The following EYS variants were observed in gnomAD, a reference collection of about 807,000 sequenced individuals.
EYS encodes the protein EGF-like photoreceptor maintenance factor, also known as protein eyes shut homolog.
EYS carries 250 observed loss-of-function variants against 282.1 expected under a neutral mutation model. The observed-to-expected ratio is 0.89, with a 90% CI of 0.80 to 0.98. The LOEUF (loss-of-function observed/expected upper bound fraction) is 0.98. EYS is among the 50% of genes least tolerant of loss of function. The probability of loss-of-function intolerance (pLI) is 0.00; values close to 1 mark genes in which losing one functional copy is unlikely to be tolerated. For synonymous variants in EYS, 1,355 were observed against 1,282.9 expected, an observed-to-expected ratio of 1.06 and a Z score of -1.20; for missense variants, 4,016 against 3,709.0, an observed-to-expected ratio of 1.08 and a Z score of -2.15.
At position 64,890,048 on chromosome 6, in the gene EYS, C is replaced by T. The variant is rs977620215; in HGVS notation, c.2847-3206G>A. On this transcript the variant is annotated intron_variant, in intron 18 of 42. Coordinates refer to ENST00000503581, the MANE Select transcript of EYS (RefSeq NM_001142800.2). Reference sequence around the variant, plus strand: ...CTGGAGGTATAGGCCTATAAATGCCCCCCCCCCCCAAGGTGTGCCCATCTC... The same window carrying T: ...CTGGAGGTATAGGCCTATAAATGCCTCCCCCCCCCAAGGTGTGCCCATCTC... Among the ~76,000 whole-genome samples the T allele has an allele frequency of 6.1e-4, 22 of 36,166 alleles. 1 individual carries two copies. Among genetic ancestry groups the T allele is most frequent in the Middle Eastern group, 0.017 (1 of 60 alleles). 23.7% of individuals were successfully genotyped at this position (36,166 alleles called of 152,430 possible).
chr6:64,381,926 G>T (rs559977374), intron 29 of EYS, among the ~76,000 whole-genome samples: 1 of 152,250 alleles, frequency 6.6e-6, no homozygotes, highest in Non-Finnish European at 1.5e-5. Flanking sequence ...TCATCATCAT[G>T]GGCTTTAATA....
At chr6:64,239,288 C>T (rs1049319234) in intron 30 of EYS, among the ~76,000 whole-genome samples, 13 of 152,174 alleles carry the variant, frequency 8.5e-5, no homozygotes, top group African/African-American at 3.1e-4. Flanking sequence ...ATTGCTGGGT[C>T]AAATGGTATT....
chr6:64,346,784 G>A (rs1027069025), intron 29 of EYS, among the ~76,000 whole-genome samples: 1 of 151,404 alleles, frequency 6.6e-6, no homozygotes, highest in Non-Finnish European at 1.5e-5. Context: ...TACTCTAGTG[G>A]AGACTTCCGT....
chr6:64,532,657 T>A (rs1764387959), intron 26 of EYS, among the ~76,000 whole-genome samples: 1 of 152,030 alleles, frequency 6.6e-6, no homozygotes, highest in African/African-American at 2.4e-5. Flanking sequence ...TGCAGTGAGC[T>A]GAGATTGCGC....
chr6:64,136,105 A>G (rs1038201386), intron 31 of EYS, among the ~76,000 whole-genome samples: 6 of 150,942 alleles, frequency 4.0e-5, no homozygotes, highest in African/African-American at 1.5e-4. Context: ...TATTTCAACA[A>G]TGTTCCCAGC....
intron 22 of EYS, among the ~76,000 whole-genome samples, chr6:64,699,932 T>C (rs186327744): frequency 1.6e-4 from 24 of 152,042 alleles, no homozygotes; most frequent in Admixed American, 8.5e-4. Context: ...CTGATAGATA[T>C]AGATGCAAAA....
chr6:65,155,333 G>A (rs78414693), intron 12 of EYS, among the ~76,000 whole-genome samples: 13 of 151,470 alleles, frequency 8.6e-5, no homozygotes, highest in Admixed American at 6.0e-4. Context: ...AAGGGCTGTC[G>A]TGCCCACACC....
Position 65,536,921 on chromosome 6 carries a change from T to C in EYS, c.-332-40928A>G, listed in dbSNP as rs1375649985. ...TCATAGAAACTGAGAATATTATTCT[T>C]AAACTCATACGGCAACGCTAATAAC... On this transcript the variant is annotated intron_variant, in intron 2 of 42. Transcript: ENST00000503581. Among the ~76,000 whole-genome samples, 8 of 152,168 alleles carry C rather than the reference T, an allele frequency of 5.3e-5. No homozygotes were observed. The East Asian group carries it at 1.2e-3, about 22-fold the overall frequency.
Position 65,134,768 on chromosome 6 carries a change from C to A in EYS, c.2024-77041G>T, listed in dbSNP as rs139733075. ...CTAAAATAAAAAGAGAGGGAAAGAT[C>A]AATTTATCATTAAAACTGAGATACA... On this transcript the variant is annotated intron_variant, in intron 12 of 42. Coordinates refer to ENST00000503581, the MANE Select transcript of EYS (RefSeq NM_001142800.2). 5.8e-3 allele frequency among the ~76,000 whole-genome samples: 878 copies of A among 152,030 alleles called. 14 individuals are homozygous for A. Among genetic ancestry groups the A allele is most frequent in the South Asian group, 0.035 (168 of 4,822 alleles).
intron 12 of EYS, among the ~76,000 whole-genome samples, chr6:65,258,630 A>T (rs1767536165): frequency 6.6e-6 from 1 of 151,916 alleles, no homozygotes. Context: ...AACTAATAAA[A>T]CTCCTATCAG....
At chr6:63,737,166 A>C (rs1326550397) in intron 41 of EYS, among the ~76,000 whole-genome samples, 1 of 151,956 alleles carries the variant, frequency 6.6e-6, no homozygotes, top group Non-Finnish European at 1.5e-5. Flanking sequence ...GTCTTGTGCC[A>C]GTTTTCAAAG....
chr6:64,247,077 AATTAAATTTAATTT>A (rs1220223577), intron 30 of EYS, among the ~76,000 whole-genome samples: 1 of 152,076 alleles, frequency 6.6e-6, no homozygotes, highest in Non-Finnish European at 1.5e-5. Context: ...TTATTATATT[AATTAAATTTAATTT>A]ATTCATTTCA....
intron 36 of EYS, among the ~76,000 whole-genome samples, chr6:63,838,142 A>G (rs1348490677): frequency 6.6e-6 from 1 of 152,122 alleles, no homozygotes; most frequent in African/African-American, 2.4e-5. Flanking sequence ...GTATTTTAGA[A>G]AAAAATTCCC....
intron 2 of EYS, among the ~76,000 whole-genome samples, chr6:65,559,771 C>G (rs1031077020): frequency 3.9e-5 from 6 of 151,950 alleles, no homozygotes; most frequent in African/African-American, 1.4e-4. Flanking sequence ...AGTTATAAAA[C>G]TTTTCCAATA....
At chr6:64,860,601 C>T (rs1172407436) in intron 19 of EYS, among the ~76,000 whole-genome samples, 1 of 152,200 alleles carries the variant, frequency 6.6e-6, no homozygotes, top group Non-Finnish European at 1.5e-5. Flanking sequence ...GGTGTTGCAG[C>T]CCTAGCTTGG....
chr6:65,291,787 T>C (rs1160281865), intron 12 of EYS, among the ~76,000 whole-genome samples: 1 of 151,538 alleles, frequency 6.6e-6, no homozygotes, highest in Non-Finnish European at 1.5e-5. Context: ...AAGAACTAAA[T>C]TCTCAGTACA....
At chr6:65,062,572 T>G (rs1473022870) in intron 12 of EYS, among the ~76,000 whole-genome samples, 1 of 151,940 alleles carries the variant, frequency 6.6e-6, no homozygotes, top group Non-Finnish European at 1.5e-5. Context: ...TACTCCAAAC[T>G]CCTTACCTTA....
At chr6:65,392,625 C>G (rs917855591) in intron 7 of EYS, among the ~76,000 whole-genome samples, 8 of 152,194 alleles carry the variant, frequency 5.3e-5, no homozygotes, top group Admixed American at 1.3e-4. Context: ...CAATGAGATA[C>G]CATCTCACAC....
At chr6:64,737,339 G>C (rs925999744) in intron 22 of EYS, among the ~76,000 whole-genome samples, 2 of 152,028 alleles carry the variant, frequency 1.3e-5, no homozygotes, top group African/African-American at 2.4e-5. Context: ...AAAAGACCAA[G>C]TTTTATTGGG....
Sources: gnomAD v4.1 joint callset for allele counts (sites outside exome capture counted in the v4.1 genomes callset) on GRCh38, gnomAD v4.1.1 for gene constraint, MANE v1.5 for transcripts, NCBI Gene and HGNC (gene_info 2026-07-23, HGNC 2026-07-21) for gene names.